POLR1C: variants seen among roughly 807,000 people sequenced by gnomAD.
POLR1C encodes the protein DNA-directed RNA polymerases I and III subunit RPAC1.
In POLR1C, 42 loss-of-function variants were observed where a neutral mutation model predicts 38.3. The observed-to-expected ratio is 1.10, with a 90% CI of 0.86 to 1.42. POLR1C has a LOEUF of 1.42. POLR1C is among the 40% of genes most tolerant of loss of function. The pLI is 0.00. For missense variants in POLR1C, 507 were observed against 450.5 expected (o/e 1.13, Z -1.14); for synonymous variants, 163 against 163.9 (o/e 0.99, Z 0.04).
At chr6:43,531,687 G>A, downstream of POLR1C, 1 of 893,440 alleles carries the variant, frequency 1.1e-6, no homozygotes, top group Non-Finnish European at 1.8e-6. Context: ...TGCATGTCTG[G>A]TGCTGTACTG....
downstream of POLR1C, chr6:43,524,451 A>G (rs538200648): frequency 3.7e-6 from 6 of 1,611,052 alleles, no homozygotes; most frequent in East Asian, 4.5e-5. Flanking sequence ...TGGGAGCACT[A>G]TTGAAGGTGC....
intron 9 of POLR1C, chr6:43,549,510 A>C: frequency 1.2e-6 from 2 of 1,612,898 alleles, no homozygotes; most frequent in Middle Eastern, 1.8e-4. Flanking sequence ...GGGGGTAGTC[A>C]CGACACATCT....
intron 10 of POLR1C, among the ~76,000 whole-genome samples, chr6:43,557,564 A>G (rs2127740908): frequency 6.6e-6 from 1 of 152,268 alleles, no homozygotes; most frequent in East Asian, 1.9e-4. Context: ...CAAAACAGAG[A>G]CAGAAAGTAG....
chr6:43,529,377 CTA>C, exon 9 of POLR1C: 9 of 108,318 alleles, frequency 8.3e-5, no homozygotes, highest in South Asian at 2.3e-4. Context: ...CCCGTCTCTA[CTA>C]AAAAAAAAAA....
intron 9 of POLR1C, among the ~76,000 whole-genome samples, chr6:43,548,907 A>G (rs1795094612): frequency 6.6e-6 from 1 of 152,098 alleles, no homozygotes; most frequent in Non-Finnish European, 1.5e-5. Flanking sequence ...TGGCAGTAGT[A>G]ATTAAGATCA....
downstream of POLR1C, chr6:43,524,566 G>A: frequency 6.2e-7 from 1 of 1,613,976 alleles, no homozygotes; most frequent in Non-Finnish European, 8.5e-7. Flanking sequence ...CAGTCAAACT[G>A]GTCCAGTGAG....
intron 10 of POLR1C, among the ~76,000 whole-genome samples, chr6:43,553,056 G>T (rs946608346): frequency 6.6e-6 from 1 of 152,148 alleles, no homozygotes; most frequent in South Asian, 2.1e-4. Flanking sequence ...GGTCATGCCC[G>T]CAATCTCAGC....
intron 9 of POLR1C, chr6:43,539,535 C>G: frequency 6.7e-7 from 1 of 1,491,988 alleles, no homozygotes; most frequent in South Asian, 1.1e-5. Context: ...CACTCCTTAT[C>G]TTTGGCCTTG....
At chr6:43,527,416 C>G (rs1793665976) in intron 8 of POLR1C, 2 of 433,038 alleles carry the variant, frequency 4.6e-6, no homozygotes, top group South Asian at 4.8e-5. Context: ...GGACTACAGG[C>G]CTGCGCGCCA....
At chr6:43,558,725 C>A in intron 10 of POLR1C, 1 of 638,540 alleles carries the variant, frequency 1.6e-6, no homozygotes, top group Non-Finnish European at 2.6e-6. Flanking sequence ...TGGTAAATAT[C>A]CACTTCAGTT....
intron 9 of POLR1C, among the ~76,000 whole-genome samples, chr6:43,543,731 CT>C (rs1310079071): frequency 6.6e-6 from 1 of 151,664 alleles, no homozygotes; most frequent in Non-Finnish European, 1.5e-5. Context: ...AGGGAAGACT[CT>C]TCCCTGTGAT....
downstream of POLR1C, among the ~76,000 whole-genome samples, chr6:43,531,128 C>A (rs1042417325): frequency 6.6e-6 from 1 of 152,214 alleles, no homozygotes; most frequent in Non-Finnish European, 1.5e-5. Context: ...CCCCAACCCA[C>A]AACCAGTATC....
intron 9 of POLR1C, chr6:43,550,046 T>C (rs1261974125): frequency 5.2e-6 from 6 of 1,158,434 alleles, no homozygotes; most frequent in Admixed American, 4.0e-5. Context: ...TTCTCCTGCT[T>C]TAGCCTTCTG....
chr6:43,538,684 A>G (rs1794500406), intron 9 of POLR1C: 2 of 420,446 alleles, frequency 4.8e-6, no homozygotes, highest in Non-Finnish European at 8.3e-6. Flanking sequence ...TTAGGCCTAT[A>G]ATTTTCCTCT....
chr6:43,528,382 C>A (rs1793732874), intron 8 of POLR1C, among the ~76,000 whole-genome samples: 1 of 152,086 alleles, frequency 6.6e-6, no homozygotes, highest in Admixed American at 6.6e-5. Flanking sequence ...TTTCTGTAAC[C>A]TATCCCACAT....
At chr6:43,539,760 A>G in intron 9 of POLR1C, 1 of 594,790 alleles carries the variant, frequency 1.7e-6, no homozygotes, top group South Asian at 2.1e-5. Flanking sequence ...TAGTTTGTCT[A>G]AGAGATAAAT....
At chr6:43,519,282 A>G in intron 2 of POLR1C, 51 bp from the exon 3 acceptor site, 1 of 1,103,434 alleles carries the variant, frequency 9.1e-7, no homozygotes, top group Non-Finnish European at 1.4e-6. Context: ...GTATGAAGAG[A>G]TATTACACAG....
Position 43,551,180 on chromosome 6 carries a change from T to C in POLR1C, c.*48+169T>C, listed in dbSNP as rs1007274374. On this transcript the variant is annotated intron_variant, in intron 10 of 10. Transcript: ENST00000607635. ...GTGAGGTGTGAGGATCCCTTGAGAC[T>C]AGTAATTTGAGTCCAGCCTGGGCAA... 3 of 1,086,158 alleles carry C rather than the reference T, an allele frequency of 2.8e-6. No individual in the cohort carries two copies. In the African/African-American group the frequency reaches 4.8e-5, roughly 17 times the overall value. The allele number at this position is 1,086,158 out of a possible 1,614,324, so 67.3% of individuals were successfully genotyped here. A position where few individuals can be genotyped will look rare whatever the true frequency, so the allele number is the denominator to read the frequency against.
At chr6:43,562,035 T>C in exon 11 of POLR1C, 1 of 413,128 alleles carries the variant, frequency 2.4e-6, no homozygotes. Flanking sequence ...TATCTGACGT[T>C]GGTATAACTA....
Sources: allele counts gnomAD v4.1 joint callset (sites outside exome capture counted in the v4.1 genomes callset), GRCh38; gene constraint gnomAD v4.1.1; transcripts MANE v1.5; gene names NCBI Gene and HGNC (gene_info 2026-07-23, HGNC 2026-07-21).